SEMA3B: variants seen among roughly 807,000 people sequenced by gnomAD.
The protein encoded by SEMA3B is semaphorin 3B.
SEMA3B carries 71 observed loss-of-function variants against 77.8 expected under a neutral mutation model. The ratio of observed to expected loss-of-function variants is 0.91; its 90% CI spans 0.75 to 1.11. The LOEUF (loss-of-function observed/expected upper bound fraction) is 1.11. SEMA3B is among the 50% of genes most tolerant of loss of function. The pLI, the probability that SEMA3B is intolerant of heterozygous loss-of-function variation, is 0.00. For synonymous variants in SEMA3B, 470 were observed against 452.9 expected (o/e 1.04, Z -0.48); for missense variants, 968 against 1,056.8 (o/e 0.92, Z 1.17).
At chr3:50,272,517 C>T (rs1701079434) in intron 6 of SEMA3B, among the ~76,000 whole-genome samples, 1 of 152,008 alleles carries the variant, frequency 6.6e-6, no homozygotes, top group African/African-American at 2.4e-5. Flanking sequence ...TTGAGACCAG[C>T]CTGGCCAACA....
At chr3:50,264,933 G>A (rs1357110272), upstream of SEMA3B, among the ~76,000 whole-genome samples, 1 of 152,184 alleles carries the variant, frequency 6.6e-6, no homozygotes, top group Admixed American at 6.5e-5. Context: ...GCAGGGGTGG[G>A]GCAGGCGGGG....
chr3:50,264,113 G>A (rs1388656389), upstream of SEMA3B, among the ~76,000 whole-genome samples: 2 of 152,150 alleles, frequency 1.3e-5, no homozygotes, highest in Non-Finnish European at 2.9e-5. Context: ...AGGAGGTTGA[G>A]GTGGGAGGAT....
At chr3:50,263,525 A>G (rs13088091), upstream of SEMA3B, among the ~76,000 whole-genome samples, 94 of 146,750 alleles carry the variant, frequency 6.4e-4, no homozygotes, top group Middle Eastern at 0.011. Flanking sequence ...AAAAAAAAAA[A>G]GATGAAAAAG....
rs1210791045 is a variant in SEMA3B, at chr3:50,270,476, G to A, written c.311G>A (p.Trp104Ter). 3.7e-6 allele frequency: 6 copies of A among 1,613,538 alleles called. No individual in the cohort carries two copies. The highest frequency in any genetic ancestry group is 4.2e-6 in the Non-Finnish European group (5 of 1,179,858). The change falls in exon 3 of 17, where the codon TGG (tryptophan) becomes TAG (stop). Residue 104 changes from tryptophan (W) to a stop codon, truncating the protein, a stop_gained. Transcript: ENST00000616701. LOFTEE classifies it high-confidence loss of function. This position sits in a 1 kb window ranked among gnomAD's most constrained non-coding sequence, Gnocchi z 4.7. ...GTGGAATGGCGAGAGGAGTGCAACTGGGCAGGGAAGGACATTGGTGTGAGT... is the reference window on the plus strand; with the variant it reads ...GTGGAATGGCGAGAGGAGTGCAACTAGGCAGGGAAGGACATTGGTGTGAGT... ...APVEWREECN[W>*]AGKDIGTECM...
Position 50,274,294 on chromosome 3 carries a change from G to T in SEMA3B, c.1138-69G>T. 1 of 1,287,544 alleles carries T rather than the reference G, an allele frequency of 7.8e-7. No individual in the cohort carries two copies. The highest frequency in any genetic ancestry group is 1.5e-5 in the South Asian group (1 of 65,994). 79.8% of individuals were successfully genotyped at this position (1,287,544 alleles called of 1,614,324 possible). ...CCCCCTCCATGTTCCCAGAGGCTGG[G>T]CATGGAGGGCTGCCTATCAAGCCCC... is the stretch of plus-strand genomic sequence containing the variant. On this transcript the variant is annotated intron_variant, in intron 10 of 16. Coordinates refer to ENST00000616701, the MANE Select transcript of SEMA3B (RefSeq NM_001290060.2). The surrounding 1 kb of genome is among the most constrained non-coding windows in gnomAD (Gnocchi z 4.7).
Position 50,275,459 on chromosome 3 carries a change from G to A in SEMA3B, c.1649G>A (p.Arg550Lys). Residue 550 changes from arginine to lysine, a missense_variant and splice_region_variant, in exon 14 of 17, where the codon AGG becomes AAG. Arg to Lys is a conservative substitution (Grantham distance 26). Transcript: ENST00000616701. The surrounding 1 kb of genome is among the most constrained non-coding windows in gnomAD (Gnocchi z 7.5). ...ACGCGCTTCCAGCCCAGTGCCAAGA[G>A]GTGGGCGGGGTCGGGGTTGGGCCGC... Reference protein sequence around the residue: ...ACTRFQPSAKRRFRRQDVRNG... With the variant: ...ACTRFQPSAKKRFRRQDVRNG... 6.2e-7 allele frequency: 1 copy of A among 1,608,062 alleles called. No individual in the cohort carries two copies. The highest frequency in any genetic ancestry group is 8.5e-7 in the Non-Finnish European group (1 of 1,176,554).
At chr3:50,267,254 C>G (rs1019821327), upstream of SEMA3B, 1 of 152,424 alleles carries the variant, frequency 6.6e-6, no homozygotes, top group Admixed American at 6.5e-5. The surrounding 1 kb of genome is among the most constrained non-coding windows in gnomAD (Gnocchi z 5.7). Flanking sequence ...GCTGAGCTCC[C>G]CATTATCTTT....
chr3:50,260,236 A>G, the SEMA3B span: 3 of 151,696 alleles, frequency 2.0e-5, no homozygotes, highest in Non-Finnish European at 2.9e-5. Context: ...ACACAAAGGC[A>G]GCTTTGTGAG....
chr3:50,274,083 C>CA lies in SEMA3B; in HGVS notation c.1137+28dup. On this transcript the variant is annotated intron_variant, in intron 10 of 16. Coordinates refer to ENST00000616701, the MANE Select transcript of SEMA3B (RefSeq NM_001290060.2). This position sits in a 1 kb window ranked among gnomAD's most constrained non-coding sequence, Gnocchi z 4.7. ...GTTCGTAGCCCAGGGACTTCTGCTA[C>CA]AACCCACTTCAAAGCCTCAAGGGTT... is the stretch of plus-strand genomic sequence containing the variant. The CA allele has an allele frequency of 6.2e-7, 1 of 1,607,872 alleles. No homozygotes were observed. Among genetic ancestry groups the CA allele is most frequent in the African/African-American group, 1.3e-5 (1 of 74,624 alleles).
At chr3:50,271,516 C>A in intron 6 of SEMA3B, 36 bp downstream of exon 6, 1 of 1,551,490 alleles carries the variant, frequency 6.4e-7, no homozygotes, top group Non-Finnish European at 8.7e-7. Context: ...TAGAGGTCGT[C>A]ACCCTCCCAC....
chr3:50,263,185 C>G (rs1700853984), upstream of SEMA3B: 2 of 152,140 alleles, frequency 1.3e-5, no homozygotes, highest in Admixed American at 1.3e-4. Context: ...GTACTGGAAG[C>G]TACACCAAGC....
intron 4 of SEMA3B, 25 bp downstream of exon 4, chr3:50,271,034 G>A (rs1553705254): frequency 6.3e-7 from 1 of 1,585,168 alleles, no homozygotes; most frequent in South Asian, 1.1e-5. Flanking sequence ...AGGCAGGGAG[G>A]GAGGTCAGGA....
In SEMA3B at chr3:50,276,858, T is replaced by A. The variant is rs955228752; in HGVS notation, c.*152T>A. 6 of 902,594 alleles carry A rather than the reference T, an allele frequency of 6.6e-6. No individual in the cohort carries two copies. In the East Asian group the frequency reaches 1.9e-4, roughly 28 times the overall value. 55.9% of individuals were successfully genotyped at this position (902,594 alleles called of 1,614,324 possible). A position where few individuals can be genotyped will look rare whatever the true frequency, so the allele number is the denominator to read the frequency against. ...CCGACAGGCCCTGGCTGAGGGCAGCTGCGCGGGCTTATTTATTAACAGGAT... is the reference window on the plus strand; with the variant it reads ...CCGACAGGCCCTGGCTGAGGGCAGCAGCGCGGGCTTATTTATTAACAGGAT... On this transcript the variant is annotated 3_prime_UTR_variant, in exon 17 of 17. Transcript: ENST00000616701. The surrounding 1 kb of genome is among the most constrained non-coding windows in gnomAD (Gnocchi z 5.8).
At position 50,270,344 on chromosome 3, in the gene SEMA3B, G is replaced by A. The variant is rs1701013425; in HGVS notation, c.267+60G>A. ...GAAGGAGCCCTGGGACCCCACTCCA[G>A]CCTGGAGAGACCCAGAGGAATGGCT... On this transcript the variant is annotated intron_variant, in intron 2 of 16. Coordinates refer to ENST00000616701, the MANE Select transcript of SEMA3B (RefSeq NM_001290060.2). This position sits in a 1 kb window ranked among gnomAD's most constrained non-coding sequence, Gnocchi z 4.7. 6.2e-7 allele frequency: 1 copy of A among 1,609,786 alleles called. No individual in the cohort carries two copies. Among genetic ancestry groups the A allele is most frequent in the Non-Finnish European group, 8.5e-7 (1 of 1,176,884 alleles).
rs782082670 is a variant in SEMA3B at position 50,274,963 on chromosome 3, C to T, written c.1449+29C>T. ...AGGCCTCACCCCCAGTCGCCCGGGA[C>T]CCCCCCACCCCACTAAGCCCTGACC... On this transcript the variant is annotated intron_variant, in intron 12 of 16. Transcript: ENST00000616701. This position sits in a 1 kb window ranked among gnomAD's most constrained non-coding sequence, Gnocchi z 4.7. 3.8e-6 allele frequency: 6 copies of T among 1,594,536 alleles called. No individual in the cohort carries two copies. Among genetic ancestry groups the T allele is most frequent in the East Asian group, 2.3e-5 (1 of 44,376 alleles).
In SEMA3B at chr3:50,276,247, C is replaced by T; in HGVS notation, c.1846-55C>T. 7.0e-7 allele frequency: 1 copy of T among 1,433,314 alleles called. No individual in the cohort carries two copies. Among genetic ancestry groups the T allele is most frequent in the Non-Finnish European group, 9.1e-7 (1 of 1,098,156 alleles). The allele number at this position is 1,433,314 out of a possible 1,614,324, so 88.8% of individuals were successfully genotyped here. ...GCTTCTTCCGTCGCGTGCTAGGGCCCGGAAGCCCTGTTCCCGGCCCGACAC... is the reference window on the plus strand; with the variant it reads ...GCTTCTTCCGTCGCGTGCTAGGGCCTGGAAGCCCTGTTCCCGGCCCGACAC... On this transcript the variant is annotated intron_variant, in intron 16 of 16. Transcript: ENST00000616701. This position sits in a 1 kb window ranked among gnomAD's most constrained non-coding sequence, Gnocchi z 5.8.
chr3:50,270,133 A>G lies in SEMA3B; in HGVS notation c.116A>G (p.Gln39Arg). 6.4e-7 allele frequency: 1 copy of G among 1,552,380 alleles called. No individual in the cohort carries two copies. Among genetic ancestry groups the G allele is most frequent in the Non-Finnish European group, 8.7e-7 (1 of 1,149,280 alleles). Residue 39 changes from glutamine to arginine, a missense_variant, in exon 2 of 17, where the codon CAG becomes CGG. Gln to Arg is a conservative substitution (Grantham distance 43). Transcript: ENST00000616701. This position sits in a 1 kb window ranked among gnomAD's most constrained non-coding sequence, Gnocchi z 4.7. ...PRLRLSFQEL[Q>R]AWHGLQTFSL... ...GCAGTGTCCTGCCCTGCAGAGCTCC[A>G]GGCCTGGCATGGTCTCCAGACTTTC...
chr3:50,275,429 C>A lies in SEMA3B; in HGVS notation c.1619C>A (p.Ala540Glu). 6.2e-7 allele frequency: 1 copy of A among 1,604,518 alleles called. No individual in the cohort carries two copies. The highest frequency in any genetic ancestry group is 1.1e-5 in the South Asian group (1 of 90,288). ...RDPYCAWDGV[A>E]CTRFQPSAKR... is the part of the protein sequence containing the mutation. ...CCCTACTGCGCCTGGGACGGGGTCGCGTGCACGCGCTTCCAGCCCAGTGCC... is the reference window on the plus strand; with the variant it reads ...CCCTACTGCGCCTGGGACGGGGTCGAGTGCACGCGCTTCCAGCCCAGTGCC... Residue 540 changes from alanine (A) to glutamate (E), a missense_variant, in exon 14 of 17, where the codon GCG becomes GAG. By Grantham distance (107) the Ala-to-Glu change is moderately radical. Transcript: ENST00000616701. The surrounding 1 kb of genome is among the most constrained non-coding windows in gnomAD (Gnocchi z 7.5).
chr3:50,273,132 T>G lies in SEMA3B; in HGVS notation c.665-166T>G. 1.8e-6 allele frequency: 2 copies of G among 1,113,524 alleles called. No homozygotes were observed. The highest frequency in any genetic ancestry group is 2.5e-6 in the Non-Finnish European group (2 of 799,332). The allele number at this position is 1,113,524 out of a possible 1,614,324, so 69.0% of individuals were successfully genotyped here. ...GCCTCGCAGGCCCTGATCCTTTGGA[T>G]TCGGTCCGCGCAGAGCGCCAACTGG... On this transcript the variant is annotated intron_variant, in intron 6 of 16. Transcript: ENST00000616701. This position sits in a 1 kb window ranked among gnomAD's most constrained non-coding sequence, Gnocchi z 6.5.
Sources: allele counts gnomAD v4.1 joint callset (sites outside exome capture counted in the v4.1 genomes callset), GRCh38; gene constraint gnomAD v4.1.1; non-coding constraint Gnocchi (gnomAD v3.1); transcripts MANE v1.5; gene names NCBI Gene and HGNC (gene_info 2026-07-23, HGNC 2026-07-21).